PPARGC1B: variants seen among roughly 807,000 people sequenced by gnomAD.
PPARGC1B encodes the protein peroxisome proliferator-activated receptor gamma coactivator 1-beta.
Under a neutral mutation model 101.6 loss-of-function variants are expected in PPARGC1B, and 34 were observed. The ratio of observed to expected loss-of-function variants is 0.33; its 90% CI spans 0.25 to 0.45. PPARGC1B has a LOEUF of 0.45. PPARGC1B is among the 20% of genes least tolerant of loss of function. The pLI is 1.00. For missense variants in PPARGC1B, 1,234 were observed against 1,317.6 expected, an observed-to-expected ratio of 0.94 and a Z score of 0.98; for synonymous variants, 548 against 539.3, an observed-to-expected ratio of 1.02 and a Z score of -0.22.
rs1376625509 is a variant in PPARGC1B at position 149,832,124 on chromosome 5, T to G, written c.583-532T>G. ...GAGTTCAAGACCAGCCTGGCCAACG[T>G]GGTGAAACCTTGTCTCTACTAAAAA... On this transcript the variant is annotated intron_variant, in intron 4 of 11. Coordinates refer to ENST00000309241, the MANE Select transcript of PPARGC1B (RefSeq NM_133263.4). This position sits in a 1 kb window ranked among gnomAD's most constrained non-coding sequence, Gnocchi z 4.9. Among the ~76,000 whole-genome samples, 1 of 151,990 alleles carries G rather than the reference T, an allele frequency of 6.6e-6. No individual in the cohort carries two copies. The highest frequency in any genetic ancestry group is 2.4e-5 in the African/African-American group (1 of 41,384).
At chr5:149,788,837 A>G (rs1400909506) in intron 1 of PPARGC1B, among the ~76,000 whole-genome samples, 1 of 152,170 alleles carries the variant, frequency 6.6e-6, no homozygotes, top group Admixed American at 6.5e-5. Flanking sequence ...CAGAAAACCA[A>G]ACACTGCATG....
chr5:149,847,010 G>T (rs1009679648), intron 11 of PPARGC1B: 12 of 215,474 alleles, frequency 5.6e-5, no homozygotes, highest in Non-Finnish European at 1.1e-4. Flanking sequence ...ACTTGAACCC[G>T]AGAGGCAGAG....
chr5:149,778,063 T>TCTCA (rs1756454429), intron 1 of PPARGC1B, among the ~76,000 whole-genome samples: 2 of 11,870 alleles, frequency 1.7e-4, no homozygotes. Flanking sequence ...TAGCAGCATC[T>TCTCA]CACACACACA....
Position 149,836,319 on chromosome 5 carries a change from C to G in PPARGC1B, c.1864C>G (p.Pro622Ala). Residue 622 changes from proline (P) to alanine (A), a missense_variant, in exon 8 of 12, where the codon CCA becomes GCA. This residue lies in a region of PPARGC1B where 497 missense variants were observed against 529.5 expected (regional missense o/e 0.94). Coordinates refer to ENST00000309241, the MANE Select transcript of PPARGC1B (RefSeq NM_133263.4). ...GCCCACAGAGGAGGATCCCTTCAAA[C>G]CAGACATCAAGCATAGTCTAGGCAA... Reference protein sequence around the residue: ...YKPTEEDPFKPDIKHSLGKEI... With the variant: ...YKPTEEDPFKADIKHSLGKEI... 6.2e-7 allele frequency: 1 copy of G among 1,612,962 alleles called. No individual in the cohort carries two copies. Among genetic ancestry groups the G allele is most frequent in the Non-Finnish European group, 8.5e-7 (1 of 1,179,542 alleles).
In PPARGC1B at chr5:149,840,717, A is replaced by G. The variant is rs554209326; in HGVS notation, c.2694+601A>G. Reference sequence around the variant, plus strand: ...GACCCTACTGCAAAGCTCCCCACAGAGAAAACACATCAGGGGCCTGGAGTG... The same window carrying G: ...GACCCTACTGCAAAGCTCCCCACAGGGAAAACACATCAGGGGCCTGGAGTG... On this transcript the variant is annotated intron_variant, in intron 9 of 11. Coordinates refer to ENST00000309241, the MANE Select transcript of PPARGC1B (RefSeq NM_133263.4). Among the ~76,000 whole-genome samples, 10 of 152,260 alleles carry G rather than the reference A, an allele frequency of 6.6e-5. No individual in the cohort carries two copies. In the South Asian group the frequency reaches 2.1e-3, roughly 32 times the overall value.
At chr5:149,845,593 C>T in intron 10 of PPARGC1B, 167 bp from the exon 11 acceptor site, 2 of 658,902 alleles carry the variant, frequency 3.0e-6, no homozygotes, top group Non-Finnish European at 5.2e-6. Flanking sequence ...TTCATTATTA[C>T]CACATTGCAG....
intron 1 of PPARGC1B, among the ~76,000 whole-genome samples, chr5:149,780,843 A>G (rs938736008): frequency 6.6e-6 from 1 of 152,206 alleles, no homozygotes; most frequent in Non-Finnish European, 1.5e-5. Flanking sequence ...ACCTGCAAAC[A>G]TTGGCACGGG....
chr5:149,841,475 C>T (rs1427342353), intron 9 of PPARGC1B, among the ~76,000 whole-genome samples: 4 of 152,222 alleles, frequency 2.6e-5, no homozygotes, highest in East Asian at 1.9e-4. Context: ...ATGTGTAGTC[C>T]GTGGGTGGGA....
chr5:149,743,125 C>T (rs1381028215), intron 1 of PPARGC1B, among the ~76,000 whole-genome samples: 1 of 151,900 alleles, frequency 6.6e-6, no homozygotes, highest in Non-Finnish European at 1.5e-5. Context: ...GTAGCCTCAG[C>T]CCTTTATAAC....
intron 1 of PPARGC1B, among the ~76,000 whole-genome samples, chr5:149,747,508 C>G (rs1439638113): frequency 2.0e-5 from 3 of 152,206 alleles, no homozygotes; most frequent in African/African-American, 7.2e-5. Flanking sequence ...ACACAGAGGT[C>G]CCCAGGGCCC....
intron 1 of PPARGC1B, among the ~76,000 whole-genome samples, chr5:149,776,907 T>A (rs1233737047): frequency 6.6e-6 from 1 of 152,246 alleles, no homozygotes; most frequent in Non-Finnish European, 1.5e-5. Context: ...TGCACACACA[T>A]GTGTGTACAC....
At chr5:149,755,796 A>G (rs560202828) in intron 1 of PPARGC1B, among the ~76,000 whole-genome samples, 84 of 152,122 alleles carry the variant, frequency 5.5e-4, no homozygotes, top group African/African-American at 1.9e-3. Flanking sequence ...GGTGTCCGCC[A>G]CCATGCCCAG....
At chr5:149,756,508 A>G (rs1489601968) in intron 1 of PPARGC1B, among the ~76,000 whole-genome samples, 1 of 152,172 alleles carries the variant, frequency 6.6e-6, no homozygotes, top group Non-Finnish European at 1.5e-5. Context: ...CAAAATTCAT[A>G]CTAAAGTGCC....
rs373094786 is a variant in PPARGC1B, at chr5:149,845,897, C to T, written c.2954C>T (p.Pro985Leu). Residue 985 changes from proline to leucine, a missense_variant, in exon 11 of 12, where the codon CCC becomes CTC. This residue lies in a region of PPARGC1B where 497 missense variants were observed against 529.5 expected (regional missense o/e 0.94). Coordinates refer to ENST00000309241, the MANE Select transcript of PPARGC1B (RefSeq NM_133263.4). ...GGAGGGCTCCGGCACTTCTGCTGGC[C>T]CAGATACACTGACTACGGTAAGCCC... ...SYGGLRHFCW[P>L]RYTDYDSNSE... 2.5e-6 allele frequency: 4 copies of T among 1,614,226 alleles called. No homozygotes were observed. The highest frequency in any genetic ancestry group is 3.4e-6 in the Non-Finnish European group (4 of 1,180,050).
chr5:149,764,372 G>T (rs1383395572), intron 1 of PPARGC1B, among the ~76,000 whole-genome samples: 1 of 152,220 alleles, frequency 6.6e-6, no homozygotes, highest in Non-Finnish European at 1.5e-5. Context: ...TGGAGGCTGG[G>T]CCCAAACATG....
chr5:149,743,280 T>G (rs955887376), intron 1 of PPARGC1B, among the ~76,000 whole-genome samples: 4 of 151,476 alleles, frequency 2.6e-5, no homozygotes, highest in African/African-American at 9.7e-5. Context: ...CTCAGCCTCC[T>G]GAGTAGCTGG....
chr5:149,750,065 T>C (rs760539910), intron 1 of PPARGC1B, among the ~76,000 whole-genome samples: 3 of 152,176 alleles, frequency 2.0e-5, no homozygotes, highest in Non-Finnish European at 2.9e-5. Flanking sequence ...GCCCCTTTCC[T>C]GGTGACAGGT....
intron 1 of PPARGC1B, among the ~76,000 whole-genome samples, chr5:149,783,332 C>T (rs2113229548): frequency 6.6e-6 from 1 of 152,274 alleles, no homozygotes; most frequent in South Asian, 2.1e-4. Context: ...ATCAAGTGAC[C>T]TTAATGATGA....
chr5:149,818,069 G>T (rs1021433987), intron 1 of PPARGC1B, among the ~76,000 whole-genome samples: 3 of 152,226 alleles, frequency 2.0e-5, no homozygotes, highest in African/African-American at 7.2e-5. Flanking sequence ...CTGAGTTCCC[G>T]CAGCAGGGGC....
Sources: gnomAD v4.1 joint callset for allele counts (sites outside exome capture counted in the v4.1 genomes callset) on GRCh38, gnomAD v4.1.1 for gene constraint, gnomAD v4.1.1 regional missense constraint, Gnocchi (gnomAD v3.1) non-coding constraint, MANE v1.5 for transcripts, NCBI Gene and HGNC (gene_info 2026-07-23, HGNC 2026-07-21) for gene names.